Variants in ALDH1A2 observed in about 807,000 individuals in gnomAD.
ALDH1A2 encodes retinal dehydrogenase 2.
ALDH1A2 carries 27 observed loss-of-function variants against 60.3 expected under a neutral mutation model. The ratio of observed to expected loss-of-function variants is 0.45; its 90% CI spans 0.33 to 0.62. ALDH1A2 has a LOEUF of 0.62. Among genes scored for constraint, ALDH1A2 ranks in the 20% least tolerant of loss-of-function variants. The probability of loss-of-function intolerance (pLI) is 0.02; values close to 1 mark genes in which losing one functional copy is unlikely to be tolerated. For synonymous variants in ALDH1A2, 289 were observed against 232.4 expected (o/e 1.24, Z -2.21); for missense variants, 581 against 643.8 (o/e 0.90, Z 1.06).
intron 1 of ALDH1A2, among the ~76,000 whole-genome samples, chr15:58,025,452 A>T (rs984506944): frequency 6.6e-6 from 1 of 152,194 alleles, no homozygotes; most frequent in Non-Finnish European, 1.5e-5. Context: ...AGCTACCAAG[A>T]TTGAATCAGG....
At chr15:58,020,244 A>G (rs1423627243) in intron 1 of ALDH1A2, among the ~76,000 whole-genome samples, 1 of 152,154 alleles carries the variant, frequency 6.6e-6, no homozygotes, top group African/African-American at 2.4e-5. Flanking sequence ...GGTTGATTCC[A>G]CACCTTTGCT....
intron 7 of ALDH1A2, chr15:57,979,928 A>T (rs556638916): frequency 2.8e-6 from 1 of 359,798 alleles, no homozygotes; most frequent in Non-Finnish European, 5.7e-6. Flanking sequence ...GAATTACCAC[A>T]CTTGTCGGTT....
intron 7 of ALDH1A2, among the ~76,000 whole-genome samples, chr15:57,974,276 A>G (rs551270499): frequency 2.6e-5 from 4 of 152,122 alleles, no homozygotes; most frequent in Admixed American, 2.6e-4. Flanking sequence ...TACTAAAAAT[A>G]CAAAACATTA....
At chr15:57,969,079 G>A (rs1173986628) in intron 7 of ALDH1A2, among the ~76,000 whole-genome samples, 1 of 152,180 alleles carries the variant, frequency 6.6e-6, no homozygotes, top group East Asian at 1.9e-4. Context: ...GTTCAAGAAA[G>A]AACGGGATGT....
chr15:58,024,214 A>G (rs1282350327), intron 1 of ALDH1A2, among the ~76,000 whole-genome samples: 1 of 152,192 alleles, frequency 6.6e-6, no homozygotes, highest in African/African-American at 2.4e-5. Flanking sequence ...TCCAAACTAC[A>G]GTGTAAACAA....
intron 1 of ALDH1A2, 170 bp from the exon 2 acceptor site, chr15:58,014,451 C>G (rs1895732460): frequency 1.5e-6 from 1 of 681,590 alleles, no homozygotes; most frequent in South Asian, 1.5e-5. Flanking sequence ...TAGGAATTTC[C>G]TCTATATTTT....
At position 58,023,306 on chromosome 15, in the gene ALDH1A2, T is replaced by C. The variant is rs143322040; in HGVS notation, c.118-9025A>G. Among the ~76,000 whole-genome samples the C allele has an allele frequency of 2.4e-3, 359 of 152,272 alleles. 2 individuals carry two copies. Among genetic ancestry groups the C allele is most frequent in the African/African-American group, 8.1e-3 (337 of 41,568 alleles). Reference sequence around the variant, plus strand: ...CAAAGAACAGAGAATTTAAAGAATATAAGCAAAGCCTTTGTGACACTTGGG... The same window carrying C: ...CAAAGAACAGAGAATTTAAAGAATACAAGCAAAGCCTTTGTGACACTTGGG... On this transcript the variant is annotated intron_variant, in intron 1 of 12. Transcript: ENST00000249750.
intron 1 of ALDH1A2, among the ~76,000 whole-genome samples, chr15:58,029,830 T>C (rs1363295065): frequency 1.3e-5 from 2 of 152,054 alleles, no homozygotes; most frequent in African/African-American, 4.8e-5. Context: ...CTCCCAAGAA[T>C]AAACCAGGAA....
chr15:58,063,232 AAAAAC>A (rs1897087878), intron 1 of ALDH1A2, among the ~76,000 whole-genome samples: 1 of 152,214 alleles, frequency 6.6e-6, no homozygotes, highest in Non-Finnish European at 1.5e-5. Flanking sequence ...TAGCAAGACA[AAAAAC>A]AATAACATAT....
chr15:58,059,400 T>C (rs1411544263), intron 1 of ALDH1A2, among the ~76,000 whole-genome samples: 3 of 152,164 alleles, frequency 2.0e-5, no homozygotes, highest in Non-Finnish European at 4.4e-5. Context: ...TCCTGGAAAA[T>C]GCTCTCAAAA....
At chr15:57,975,048 A>G (rs757786335) in intron 7 of ALDH1A2, among the ~76,000 whole-genome samples, 6 of 152,272 alleles carry the variant, frequency 3.9e-5, no homozygotes, top group Non-Finnish European at 8.8e-5. Context: ...GCTAAAATGT[A>G]AAAGACTAAC....
intron 7 of ALDH1A2, among the ~76,000 whole-genome samples, chr15:57,989,465 G>C (rs1364038425): frequency 6.6e-6 from 1 of 152,072 alleles, no homozygotes; most frequent in Non-Finnish European, 1.5e-5. Flanking sequence ...AATGGGCTTT[G>C]AAAAACCAAA....
At chr15:58,010,545 T>G in intron 4 of ALDH1A2, 104 bp downstream of exon 4, 4 of 1,467,352 alleles carry the variant, frequency 2.7e-6, no homozygotes, top group Non-Finnish European at 2.8e-6. Context: ...GCTGTAAGTG[T>G]GCTCATATCT....
intron 1 of ALDH1A2, among the ~76,000 whole-genome samples, chr15:58,050,442 T>A (rs1281687508): frequency 6.6e-6 from 1 of 152,094 alleles, no homozygotes; most frequent in Non-Finnish European, 1.5e-5. Flanking sequence ...GTATGGGAAA[T>A]CATAGGGTAT....
chr15:57,953,657 T>C lies in ALDH1A2; in HGVS notation c.*1540A>G, dbSNP rs184311853. 72 of 152,712 alleles carry C rather than the reference T, an allele frequency of 4.7e-4. No individual in the cohort carries two copies. Among genetic ancestry groups the C allele is most frequent in the Admixed American group, 4.7e-3 (72 of 15,302 alleles). The allele number at this position is 152,712 out of a possible 1,614,324, so 9.5% of individuals were successfully genotyped here. ...CTGGGCTGCTGAATGCACTGTCGTT[T>C]GTAAATAACAGCAAGTGGAGACTTT... is the stretch of plus-strand genomic sequence containing the variant. On this transcript the variant is annotated 3_prime_UTR_variant, in exon 13 of 13. Coordinates refer to ENST00000249750, the MANE Select transcript of ALDH1A2 (RefSeq NM_003888.4).
At chr15:58,050,899 T>C (rs1221349066) in intron 1 of ALDH1A2, among the ~76,000 whole-genome samples, 2 of 152,180 alleles carry the variant, frequency 1.3e-5, no homozygotes, top group Admixed American at 6.5e-5. Context: ...CAAACATCTA[T>C]GCAAGGAAGG....
intron 5 of ALDH1A2, among the ~76,000 whole-genome samples, chr15:57,994,537 A>G (rs1398194533): frequency 6.6e-6 from 1 of 152,180 alleles, no homozygotes; most frequent in African/African-American, 2.4e-5. Flanking sequence ...TAATGTTCCA[A>G]TCCAAACACT....
intron 4 of ALDH1A2, 73 bp from the exon 5 acceptor site, chr15:57,995,212 G>A (rs1172206108): frequency 4.3e-5 from 32 of 736,534 alleles, no homozygotes; most frequent in Middle Eastern, 2.6e-4. Context: ...GAACTTTGGT[G>A]GCTGCAAAAA....
Position 57,961,124 on chromosome 15 carries a change from A to G in ALDH1A2, c.1409+13T>C. Reference sequence around the variant, plus strand: ...ACCAGTGGAATTTGTTACAAGACTGACTCTGATCTTACCAAACAGTCCCAG... The same window carrying G: ...ACCAGTGGAATTTGTTACAAGACTGGCTCTGATCTTACCAAACAGTCCCAG... On this transcript the variant is annotated intron_variant, in intron 11 of 12. Transcript: ENST00000249750. 1 of 1,613,708 alleles carries G rather than the reference A, an allele frequency of 6.2e-7. No homozygotes were observed. The highest frequency in any genetic ancestry group is 8.5e-7 in the Non-Finnish European group (1 of 1,179,852).
Sources: allele counts gnomAD v4.1 joint callset (sites outside exome capture counted in the v4.1 genomes callset), GRCh38; gene constraint gnomAD v4.1.1; transcripts MANE v1.5; gene names NCBI Gene and HGNC (gene_info 2026-07-23, HGNC 2026-07-21).